EHBP1: variants seen among roughly 807,000 people sequenced by gnomAD.
EHBP1 encodes the protein EH domain-binding protein 1.
Under a neutral mutation model 144.0 loss-of-function variants are expected in EHBP1, and 55 were observed. That is an observed-to-expected ratio of 0.38 (90% confidence interval 0.31 to 0.48). The LOEUF is 0.48. Among genes scored for constraint, EHBP1 ranks in the 20% least tolerant of loss-of-function variants. EHBP1 has a pLI of 0.98. For synonymous variants in EHBP1, 469 were observed against 472.7 expected (o/e 0.99, Z 0.10); for missense variants, 1,200 against 1,364.2 (o/e 0.88, Z 1.90).
chr2:62,923,764 G>C (rs534332981), intron 10 of EHBP1, among the ~76,000 whole-genome samples: 4 of 152,278 alleles, frequency 2.6e-5, no homozygotes, highest in African/African-American at 9.6e-5. Context: ...CAACTTTGCA[G>C]TTCACCCCTG....
At chr2:62,777,517 T>G (rs1020072435) in intron 5 of EHBP1, among the ~76,000 whole-genome samples, 8 of 152,072 alleles carry the variant, frequency 5.3e-5, no homozygotes, top group Non-Finnish European at 1.2e-4. Context: ...TCTCCCACAT[T>G]TTTTTCTGTG....
intron 10 of EHBP1, among the ~76,000 whole-genome samples, chr2:62,932,154 G>C (rs541577181): frequency 1.1e-4 from 16 of 151,602 alleles, no homozygotes; most frequent in Middle Eastern, 3.4e-3. Flanking sequence ...TCTAGCCTGG[G>C]TGGCAGAGCG....
chr2:62,681,338 G>A (rs866592185), intron 1 of EHBP1, among the ~76,000 whole-genome samples: 7 of 16,874 alleles, frequency 4.1e-4, no homozygotes, highest in South Asian at 2.3e-3. Flanking sequence ...GTATGTGTGT[G>A]TGTATATATA....
intron 2 of EHBP1, among the ~76,000 whole-genome samples, chr2:62,743,195 G>T (rs1255696297): frequency 6.6e-6 from 1 of 152,046 alleles, no homozygotes; most frequent in African/African-American, 2.4e-5. Context: ...TAATGCCTGT[G>T]TGATTTTCTA....
chr2:62,771,267 A>T (rs1250616439), intron 4 of EHBP1, 72 bp from the exon 5 acceptor site: 1 of 1,138,710 alleles, frequency 8.8e-7, no homozygotes, highest in Non-Finnish European at 1.2e-6. Flanking sequence ...GGCTATATGT[A>T]TTTTCTTAAT....
intron 2 of EHBP1, among the ~76,000 whole-genome samples, chr2:62,714,725 A>G (rs1276118850): frequency 6.6e-6 from 1 of 152,232 alleles, no homozygotes; most frequent in Non-Finnish European, 1.5e-5. Flanking sequence ...ATCTAGAGAG[A>G]AAGGTTAGAG....
At chr2:62,760,317 G>T (rs1301899799) in intron 3 of EHBP1, among the ~76,000 whole-genome samples, 1 of 152,178 alleles carries the variant, frequency 6.6e-6, no homozygotes, top group Non-Finnish European at 1.5e-5. Context: ...ACTCAGCCAG[G>T]TTGTACAGCC....
chr2:62,954,851 A>G (rs1558975704), intron 13 of EHBP1, among the ~76,000 whole-genome samples: 1 of 152,274 alleles, frequency 6.6e-6, no homozygotes, highest in East Asian at 1.9e-4. Context: ...AGGAGTATGA[A>G]TATTTGTGCT....
At chr2:62,830,169 C>T (rs1372813844) in intron 6 of EHBP1, among the ~76,000 whole-genome samples, 45 of 96,396 alleles carry the variant, frequency 4.7e-4, no homozygotes, top group African/African-American at 1.7e-3. Flanking sequence ...CACACACACA[C>T]ACACACACAC....
At chr2:62,910,052 G>A (rs2054097281) in intron 10 of EHBP1, among the ~76,000 whole-genome samples, 1 of 152,130 alleles carries the variant, frequency 6.6e-6, no homozygotes, top group South Asian at 2.1e-4. Context: ...AGTGTGCCTG[G>A]CCAGAATGTG....
intron 12 of EHBP1, among the ~76,000 whole-genome samples, chr2:62,944,955 G>A (rs1258829681): frequency 2.0e-5 from 3 of 152,106 alleles, no homozygotes; most frequent in Non-Finnish European, 2.9e-5. Context: ...TAGAAATCAG[G>A]GTGTCCTTGA....
chr2:62,685,862 A>G (rs539212482), intron 1 of EHBP1, among the ~76,000 whole-genome samples: 6 of 152,308 alleles, frequency 3.9e-5, no homozygotes, highest in South Asian at 4.1e-4. Context: ...ACTAATGGAT[A>G]TAAAACCAGA....
Position 62,955,556 on chromosome 2 carries a change from G to A in EHBP1, c.2356G>A (p.Ala786Thr). Residue 786 changes from alanine (A) to threonine (T), a missense_variant, in exon 14 of 23, where the codon GCA becomes ACA. This residue lies in a region of EHBP1 where 543 missense variants were observed against 513.1 expected (regional missense o/e 1.06). Coordinates refer to ENST00000431489, the MANE Select transcript of EHBP1 (RefSeq NM_001142616.3). ...LSRQEELKER[A>T]RVLLEQARRD... ...TAGACAAGAAGAACTTAAGGAAAGA[G>A]CAAGAGTTCTGCTTGAGCAAGCAAG... The A allele has an allele frequency of 1.9e-6, 3 of 1,612,930 alleles. No homozygotes were observed. The highest frequency in any genetic ancestry group is 2.5e-6 in the Non-Finnish European group (3 of 1,179,300).
chr2:63,000,393 T>A (rs2059802160), intron 19 of EHBP1, among the ~76,000 whole-genome samples: 1 of 151,982 alleles, frequency 6.6e-6, no homozygotes. Context: ...TGTTTTTTTT[T>A]TTCTTTTAAA....
At chr2:62,696,508 C>CTTTTTTTTTTTTT (rs869081763) in intron 1 of EHBP1, among the ~76,000 whole-genome samples, 23 of 76,786 alleles carry the variant, frequency 3.0e-4, no homozygotes, top group South Asian at 1.1e-3. Context: ...TTTTTTTCTT[C>CTTTTTTTTTTTTT]TTTTTTTTTT....
At chr2:63,013,935 C>G in intron 19 of EHBP1, among the ~76,000 whole-genome samples, 1 of 152,238 alleles carries the variant, frequency 6.6e-6, no homozygotes, top group Non-Finnish European at 1.5e-5. Flanking sequence ...CAGCCCCACT[C>G]ATACTCTTCT....
At chr2:62,822,256 T>C (rs1053842930) in intron 5 of EHBP1, among the ~76,000 whole-genome samples, 12 of 152,332 alleles carry the variant, frequency 7.9e-5, no homozygotes, top group African/African-American at 2.9e-4. Context: ...CTTGCATTGT[T>C]ACTACTTGAA....
At chr2:63,019,311 A>T (rs549752670) in intron 19 of EHBP1, among the ~76,000 whole-genome samples, 13 of 152,370 alleles carry the variant, frequency 8.5e-5, no homozygotes, top group Admixed American at 3.3e-4. Context: ...GTAGCACAGC[A>T]TAGAGATTTA....
At chr2:62,871,261 G>A (rs2050458509) in intron 9 of EHBP1, among the ~76,000 whole-genome samples, 1 of 152,268 alleles carries the variant, frequency 6.6e-6, no homozygotes, top group East Asian at 1.9e-4. Context: ...GACATCTAAT[G>A]TTTGCTTAAA....
Sources: gnomAD v4.1 joint callset for allele counts (sites outside exome capture counted in the v4.1 genomes callset) on GRCh38, gnomAD v4.1.1 for gene constraint, gnomAD v4.1.1 regional missense constraint, MANE v1.5 for transcripts, NCBI Gene and HGNC (gene_info 2026-07-23, HGNC 2026-07-21) for gene names.